Variants in ADORA2B observed in about 807,000 individuals in gnomAD.
ADORA2B encodes adenosine A2b receptor, also known as adenosine receptor A2b.
Under a neutral mutation model 20.8 loss-of-function variants are expected in ADORA2B, and 18 were observed. The observed-to-expected ratio is 0.87, with a 90% confidence interval of 0.60 to 1.29. The LOEUF (loss-of-function observed/expected upper bound fraction) is 1.29. Among genes scored for constraint, ADORA2B ranks in the 50% most tolerant of loss-of-function variants. The pLI is 0.00. For synonymous variants in ADORA2B, 179 were observed against 178.3 expected, an observed-to-expected ratio of 1.00 and a Z score of -0.03; for missense variants, 441 against 422.7, an observed-to-expected ratio of 1.04 and a Z score of -0.38.
upstream of ADORA2B, among the ~76,000 whole-genome samples, chr17:15,942,441 C>G (rs942323801): frequency 2.0e-5 from 3 of 152,134 alleles, no homozygotes; most frequent in African/African-American, 7.2e-5. Flanking sequence ...GGCTGCAGAA[C>G]TGTGAGCCAA....
chr17:15,943,173 A>C (rs1969759461), upstream of ADORA2B, among the ~76,000 whole-genome samples: 1 of 152,238 alleles, frequency 6.6e-6, no homozygotes, highest in South Asian at 2.1e-4. Flanking sequence ...GGAAGTAACA[A>C]AACCTCAAGG....
the ADORA2B span, among the ~76,000 whole-genome samples, chr17:15,867,799 C>T: frequency 1.5e-4 from 22 of 149,180 alleles, no homozygotes; most frequent in African/African-American, 5.0e-4. Flanking sequence ...AGGTGAGGGG[C>T]GCCTCTGCCC....
At chr17:15,922,723 G>A in the ADORA2B span, among the ~76,000 whole-genome samples, 2 of 152,190 alleles carry the variant, frequency 1.3e-5, no homozygotes. Flanking sequence ...TACTTGCTGG[G>A]TCAAAGAGTT....
upstream of ADORA2B, among the ~76,000 whole-genome samples, chr17:15,943,349 G>A (rs185598908): frequency 5.5e-4 from 83 of 152,276 alleles, no homozygotes; most frequent in Admixed American, 2.2e-3. Context: ...TAGAGACAGG[G>A]TCTCCCTCTT....
the ADORA2B span, among the ~76,000 whole-genome samples, chr17:15,880,196 G>A: frequency 0.051 from 6,889 of 134,104 alleles, 1,019 homozygotes; most frequent in African/African-American, 0.21. Flanking sequence ...ATTCTGAGTC[G>A]GATGTGTTGA....
At chr17:15,930,891 G>C in the ADORA2B span, among the ~76,000 whole-genome samples, 1 of 152,356 alleles carries the variant, frequency 6.6e-6, no homozygotes, top group South Asian at 2.1e-4. Flanking sequence ...TGTTTGTTCA[G>C]CACAGCTGGC....
chr17:15,935,759 A>G, the ADORA2B span, among the ~76,000 whole-genome samples: 1 of 150,860 alleles, frequency 6.6e-6, no homozygotes, highest in Admixed American at 6.6e-5. Context: ...TGTTCCTCAA[A>G]TTGGATTATC....
At chr17:15,892,596 T>G in the ADORA2B span, among the ~76,000 whole-genome samples, 1 of 152,020 alleles carries the variant, frequency 6.6e-6, no homozygotes, top group South Asian at 2.1e-4. Context: ...CAGCATTTTC[T>G]AATTAGTGTC....
At chr17:15,900,748 C>A in the ADORA2B span, among the ~76,000 whole-genome samples, 2 of 152,304 alleles carry the variant, frequency 1.3e-5, no homozygotes, top group African/African-American at 4.8e-5. Flanking sequence ...CCGTGCCCAG[C>A]CTGACTTTTT....
chr17:15,963,157 C>A (rs182168642), intron 1 of ADORA2B, among the ~76,000 whole-genome samples: 28 of 152,024 alleles, frequency 1.8e-4, no homozygotes, highest in African/African-American at 6.8e-4. Flanking sequence ...TAATACAATG[C>A]CATCTAATTA....
the ADORA2B span, among the ~76,000 whole-genome samples, chr17:15,869,339 A>ATT: frequency 3.9e-3 from 563 of 143,798 alleles, 2 homozygotes; most frequent in Admixed American, 7.2e-3. Context: ...TAATAATAAT[A>ATT]ATTATTATTA....
chr17:15,878,822 G>C, the ADORA2B span, among the ~76,000 whole-genome samples: 1 of 151,810 alleles, frequency 6.6e-6, no homozygotes, highest in African/African-American at 2.4e-5. Context: ...ATTCCTTTTT[G>C]GCAGTTAATG....
the ADORA2B span, among the ~76,000 whole-genome samples, chr17:15,927,235 G>A: frequency 2.6e-5 from 4 of 152,170 alleles, no homozygotes; most frequent in African/African-American, 4.8e-5. Flanking sequence ...TGTAATCCCA[G>A]CACTTTGGGA....
the ADORA2B span, among the ~76,000 whole-genome samples, chr17:15,883,741 C>T: frequency 6.6e-6 from 1 of 152,152 alleles, no homozygotes; most frequent in Non-Finnish European, 1.5e-5. Flanking sequence ...TGGCAGAATC[C>T]GTCAAAATGA....
chr17:15,962,274 T>A (rs973028244), intron 1 of ADORA2B, among the ~76,000 whole-genome samples: 2 of 151,996 alleles, frequency 1.3e-5, no homozygotes, highest in African/African-American at 4.8e-5. Flanking sequence ...CTGCACTCCA[T>A]CCTGGGCAAT....
intron 1 of ADORA2B, among the ~76,000 whole-genome samples, chr17:15,950,521 C>T (rs1219356149): frequency 2.0e-5 from 3 of 152,204 alleles, no homozygotes; most frequent in Non-Finnish European, 2.9e-5. Context: ...GTCACCCATG[C>T]GCCATCCCTC....
At chr17:15,909,129 G>T in the ADORA2B span, among the ~76,000 whole-genome samples, 2 of 151,874 alleles carry the variant, frequency 1.3e-5, no homozygotes, top group African/African-American at 4.8e-5. Flanking sequence ...TTGGAGGCAC[G>T]GTCAAGTATG....
chr17:15,911,944 G>A, the ADORA2B span, among the ~76,000 whole-genome samples: 1 of 152,102 alleles, frequency 6.6e-6, no homozygotes, highest in African/African-American at 2.4e-5. Context: ...TGAGTGTGAT[G>A]GCTCACACCT....
At chr17:15,866,755 C>T in the ADORA2B span, among the ~76,000 whole-genome samples, 1 of 149,862 alleles carries the variant, frequency 6.7e-6, no homozygotes, top group Non-Finnish European at 1.5e-5. Context: ...GCCGCTGCCT[C>T]TCTTTCCACA....
Sources: allele counts gnomAD v4.1 joint callset (sites outside exome capture counted in the v4.1 genomes callset), GRCh38; gene constraint gnomAD v4.1.1; transcripts MANE v1.5; gene names NCBI Gene and HGNC (gene_info 2026-07-23, HGNC 2026-07-21).